Variants in SCHIP1 observed in about 807,000 individuals in gnomAD.
The protein encoded by SCHIP1 is schwannomin interacting protein 1, also known as schwannomin-interacting protein 1.
Under a neutral mutation model 29.7 loss-of-function variants are expected in SCHIP1, and 8 were observed. The ratio of observed to expected loss-of-function variants is 0.27; its 90% confidence interval spans 0.16 to 0.49. The LOEUF is 0.49. SCHIP1 is among the 20% of genes least tolerant of loss of function. The pLI, the probability that SCHIP1 is intolerant of heterozygous loss-of-function variation, is 0.99. For missense variants in SCHIP1, 193 were observed against 294.6 expected (o/e 0.66, Z 2.52); for synonymous variants, 76 against 94.9 (o/e 0.80, Z 1.16).
the SCHIP1 span, among the ~76,000 whole-genome samples, chr3:159,444,005 A>T: frequency 6.6e-6 from 1 of 150,404 alleles, no homozygotes; most frequent in Non-Finnish European, 1.5e-5. Flanking sequence ...GAAAGAGTAG[A>T]ACTGGTCTTA....
the SCHIP1 span, among the ~76,000 whole-genome samples, chr3:159,624,752 T>A: frequency 6.6e-5 from 10 of 152,110 alleles, no homozygotes; most frequent in African/African-American, 2.2e-4. Flanking sequence ...AGAACCACCA[T>A]GACCCAGAGA....
intron 1 of SCHIP1, among the ~76,000 whole-genome samples, chr3:159,865,872 G>A (rs1318042775): frequency 6.6e-6 from 1 of 152,208 alleles, no homozygotes; most frequent in Admixed American, 6.5e-5. Flanking sequence ...CAGGTAAGAA[G>A]AAGAAAGATT....
At chr3:159,318,447 C>G in the SCHIP1 span, among the ~76,000 whole-genome samples, 4 of 152,206 alleles carry the variant, frequency 2.6e-5, no homozygotes, top group Non-Finnish European at 4.4e-5. Flanking sequence ...CAACCAGGTG[C>G]ACTGCTCAAA....
chr3:159,308,878 G>A, the SCHIP1 span, among the ~76,000 whole-genome samples: 6 of 152,120 alleles, frequency 3.9e-5, no homozygotes, highest in Non-Finnish European at 5.9e-5. Flanking sequence ...GAATGGAGCT[G>A]GAGGCCATAA....
chr3:159,830,642 G>C, the SCHIP1 span, among the ~76,000 whole-genome samples: 1 of 152,124 alleles, frequency 6.6e-6, no homozygotes, highest in Non-Finnish European at 1.5e-5. Flanking sequence ...TTGGGCCTCA[G>C]AGTATTGTTG....
At chr3:159,397,595 C>T in the SCHIP1 span, among the ~76,000 whole-genome samples, 35 of 152,334 alleles carry the variant, frequency 2.3e-4, no homozygotes, top group South Asian at 1.4e-3. Flanking sequence ...AGGTGTCAAT[C>T]TTCCCCTGCT....
chr3:159,448,130 A>T, the SCHIP1 span, among the ~76,000 whole-genome samples: 2 of 152,184 alleles, frequency 1.3e-5, no homozygotes, highest in African/African-American at 4.8e-5. Flanking sequence ...CCACCTGATG[A>T]TGTAACTGTG....
the SCHIP1 span, among the ~76,000 whole-genome samples, chr3:159,697,864 C>T: frequency 6.6e-6 from 1 of 152,156 alleles, no homozygotes; most frequent in African/African-American, 2.4e-5. Flanking sequence ...AAGCAGATTG[C>T]AAGTGCTATT....
the SCHIP1 span, among the ~76,000 whole-genome samples, chr3:159,599,611 A>G: frequency 6.6e-6 from 1 of 152,216 alleles, no homozygotes; most frequent in East Asian, 1.9e-4. Context: ...GAAGTATTCC[A>G]TGCTATGTAT....
chr3:159,562,914 C>T, the SCHIP1 span, among the ~76,000 whole-genome samples: 6 of 152,252 alleles, frequency 3.9e-5, no homozygotes, highest in Admixed American at 6.5e-5. Context: ...ATCCTTTGCT[C>T]TCCATGACAA....
chr3:159,531,306 C>A, the SCHIP1 span, among the ~76,000 whole-genome samples: 1 of 152,180 alleles, frequency 6.6e-6, no homozygotes, highest in African/African-American at 2.4e-5. Context: ...TCTCCAACAC[C>A]TGGGATGCCT....
At chr3:159,676,569 T>A in the SCHIP1 span, among the ~76,000 whole-genome samples, 1 of 152,220 alleles carries the variant, frequency 6.6e-6, no homozygotes. Context: ...ACTTCAAGTC[T>A]TCTACATTCT....
the SCHIP1 span, among the ~76,000 whole-genome samples, chr3:159,617,657 T>A: frequency 6.6e-6 from 1 of 152,152 alleles, no homozygotes; most frequent in Non-Finnish European, 1.5e-5. Flanking sequence ...GCTCAGAGCT[T>A]TGTCCCAGAT....
At chr3:159,680,299 A>C in the SCHIP1 span, among the ~76,000 whole-genome samples, 1 of 151,392 alleles carries the variant, frequency 6.6e-6, no homozygotes, top group East Asian at 1.9e-4. Flanking sequence ...TCACGAGGTC[A>C]AGAGATTGAG....
the SCHIP1 span, among the ~76,000 whole-genome samples, chr3:159,500,958 T>C: frequency 6.6e-6 from 1 of 152,210 alleles, no homozygotes; most frequent in Non-Finnish European, 1.5e-5. Context: ...AATTAGGCCT[T>C]AATTCTTTTT....
the SCHIP1 span, among the ~76,000 whole-genome samples, chr3:159,479,287 C>T: frequency 6.6e-6 from 1 of 151,868 alleles, no homozygotes; most frequent in African/African-American, 2.4e-5. Flanking sequence ...CTTGTATATA[C>T]TTTAATTCAG....
At chr3:159,856,416 C>T (rs543313723) in intron 1 of SCHIP1, among the ~76,000 whole-genome samples, 16 of 152,072 alleles carry the variant, frequency 1.1e-4, no homozygotes, top group Non-Finnish European at 2.2e-4. Flanking sequence ...TTCCCTGCCC[C>T]AGGAATGTGT....
the SCHIP1 span, among the ~76,000 whole-genome samples, chr3:159,808,263 C>G: frequency 6.6e-6 from 1 of 152,240 alleles, no homozygotes; most frequent in Non-Finnish European, 1.5e-5. Flanking sequence ...ACATTGACAC[C>G]AAAAACTGTT....
chr3:159,358,780 C>T, the SCHIP1 span, among the ~76,000 whole-genome samples: 1 of 152,044 alleles, frequency 6.6e-6, no homozygotes, highest in Admixed American at 6.6e-5. Flanking sequence ...CACAAAGCAA[C>T]CTAGAAAATA....
Sources: allele counts gnomAD v4.1 joint callset (sites outside exome capture counted in the v4.1 genomes callset), GRCh38; gene constraint gnomAD v4.1.1; transcripts MANE v1.5; gene names NCBI Gene and HGNC (gene_info 2026-07-23, HGNC 2026-07-21).